Variants in MYH9 observed in about 807,000 individuals in gnomAD.
MYH9 encodes myosin-9.
Under a neutral mutation model 241.9 loss-of-function variants are expected in MYH9, and 29 were observed. That is an observed-to-expected ratio of 0.12 (90% CI 0.09 to 0.16). The LOEUF (loss-of-function observed/expected upper bound fraction) is 0.16. Among genes scored for constraint, MYH9 ranks in the 10% least tolerant of loss-of-function variants. MYH9 has a pLI of 1.00. For synonymous variants in MYH9, 1,047 were observed against 1,062.6 expected (o/e 0.99, Z 0.29); for missense variants, 1,803 against 2,595.5 (o/e 0.69, Z 6.63).
At chr22:36,309,148 G>C (rs1447438853) in intron 15 of MYH9, 134 bp downstream of exon 15, 3 of 802,404 alleles carry the variant, frequency 3.7e-6, no homozygotes, top group Non-Finnish European at 6.4e-6. Context: ...GGGAGCTACA[G>C]AGGGCAGAGA....
At chr22:36,377,351 C>G (rs1285268020) in intron 1 of MYH9, among the ~76,000 whole-genome samples, 1 of 152,036 alleles carries the variant, frequency 6.6e-6, no homozygotes, top group Non-Finnish European at 1.5e-5. Context: ...ACACAGGAAA[C>G]GTAGTGGCTT....
In MYH9 at chr22:36,292,079, C is replaced by A. The variant is rs796238093; in HGVS notation, c.4251G>T (p.Arg1417=). ...GCAGGTCGTCCAGCTCCTGCTGCAG[C>A]CGCGTCTTGGTCTTCTCCAGCTTGT... The part of the protein sequence containing the change: ...AYDKLEKTKT[R]LQQELDDLLV... The change falls in exon 31 of 41, where the codon CGG becomes CGT. Residue 1417 remains arginine, a synonymous_variant. Coordinates refer to ENST00000216181, the MANE Select transcript of MYH9 (RefSeq NM_002473.6). 5 of 1,614,184 alleles carry A rather than the reference C, an allele frequency of 3.1e-6. No individual in the cohort carries two copies. In the African/African-American group the frequency reaches 6.7e-5, roughly 22 times the overall value.
At chr22:36,308,270 ATTT>A (rs59819767) in intron 15 of MYH9, among the ~76,000 whole-genome samples, 1 of 143,680 alleles carries the variant, frequency 7.0e-6, no homozygotes, top group South Asian at 2.2e-4. Context: ...CTGTTTTAAG[ATTT>A]TTTTTTTTTT....
In MYH9 at chr22:36,284,122, G is replaced by A. The variant is rs745743682; in HGVS notation, c.5736C>T (p.Arg1912=). ...GCTTGTTCTTTAGGGAGCTGACTTC[G>A]CGGTTCATGGCATCGGCCGTCTCAG... is the stretch of plus-strand genomic sequence containing the variant. The part of the protein sequence containing the change: ...DATETADAMN[R]EVSSLKNKLR... The change falls in exon 40 of 41, where the codon CGC becomes CGT. Residue 1912 remains arginine, a synonymous_variant. Coordinates refer to ENST00000216181, the MANE Select transcript of MYH9 (RefSeq NM_002473.6). 13 of 1,614,182 alleles carry A rather than the reference G, an allele frequency of 8.1e-6. No individual in the cohort carries two copies. Among genetic ancestry groups the A allele is most frequent in the East Asian group, 4.5e-5 (2 of 44,880 alleles).
In MYH9 at chr22:36,300,019, A is replaced by G; in HGVS notation, c.2976+108T>C. On this transcript the variant is annotated intron_variant, in intron 23 of 40. Transcript: ENST00000216181. The surrounding 1 kb of genome is among the most constrained non-coding windows in gnomAD (Gnocchi z 5.0). ...GCAGAAGCCCTCATGCTGCAGGCAG[A>G]AGAGACAGGAAGCAGCAGCAGCGGG... The G allele has an allele frequency of 6.8e-7, 1 of 1,480,644 alleles. No homozygotes were observed. Among genetic ancestry groups the G allele is most frequent in the Non-Finnish European group, 9.3e-7 (1 of 1,073,464 alleles). The allele number at this position is 1,480,644 out of a possible 1,614,324, so 91.7% of individuals were successfully genotyped here. A position where few individuals can be genotyped will look rare whatever the true frequency, so the allele number is the denominator to read the frequency against.
At chr22:36,301,691 C>T (rs371659262) in intron 20 of MYH9, 26 bp from the exon 21 acceptor site, 279 of 1,610,950 alleles carry the variant, frequency 1.7e-4, no homozygotes, top group Non-Finnish European at 2.3e-4. Context: ...GAGGTAGAGA[C>T]ATGCTCGGCT....
At position 36,282,465 on chromosome 22, in the gene MYH9, G is replaced by A. The variant is rs2016506947; in HGVS notation, c.*203C>T. 14 of 707,056 alleles carry A rather than the reference G, an allele frequency of 2.0e-5. No individual in the cohort carries two copies. Among genetic ancestry groups the A allele is most frequent in the Non-Finnish European group, 3.4e-5 (13 of 387,216 alleles). 43.8% of individuals were successfully genotyped at this position (707,056 alleles called of 1,614,324 possible). A position where few individuals can be genotyped will look rare whatever the true frequency, so the allele number is the denominator to read the frequency against. On this transcript the variant is annotated 3_prime_UTR_variant, in exon 41 of 41. Transcript: ENST00000216181. ...GGTATCAGATTCTGAGCAGGGGAGGGAGCTGGAAGGGGATGCAGCAGAGGA... is the reference window on the plus strand; with the variant it reads ...GGTATCAGATTCTGAGCAGGGGAGGAAGCTGGAAGGGGATGCAGCAGAGGA...
chr22:36,368,719 G>A (rs1468884000), intron 1 of MYH9, among the ~76,000 whole-genome samples: 3 of 151,892 alleles, frequency 2.0e-5, no homozygotes, highest in East Asian at 3.9e-4. Context: ...TGTCTATATC[G>A]CCCTAAACAG....
At chr22:36,309,057 C>T (rs978896391) in intron 15 of MYH9, among the ~76,000 whole-genome samples, 2 of 152,198 alleles carry the variant, frequency 1.3e-5, no homozygotes, top group Non-Finnish European at 2.9e-5. Context: ...ACACGGAAAG[C>T]GCTCCGCCCA....
chr22:36,382,335 C>T lies in MYH9; in HGVS notation c.-20+5472G>A, dbSNP rs536678431. On this transcript the variant is annotated intron_variant, in intron 1 of 40. Coordinates refer to ENST00000216181, the MANE Select transcript of MYH9 (RefSeq NM_002473.6). ...ATTAAAAATGCAAAAATTAGCTGGG[C>T]GTGGTGGCAGGCGCCTGTAATCCCA... is the stretch of plus-strand genomic sequence containing the variant. Among the ~76,000 whole-genome samples the T allele has an allele frequency of 3.3e-4, 49 of 149,730 alleles. No individual in the cohort carries two copies. The South Asian group carries it at 9.3e-3, about 29-fold the overall frequency.
intron 1 of MYH9, among the ~76,000 whole-genome samples, chr22:36,374,282 C>G (rs1432529463): frequency 6.6e-6 from 1 of 152,102 alleles, no homozygotes; most frequent in Non-Finnish European, 1.5e-5. Flanking sequence ...CTTTGGGAGG[C>G]CAAGGTGGGC....
chr22:36,294,747 A>C lies in MYH9; in HGVS notation c.3630+185T>G, dbSNP rs555598425. The stretch of plus-strand genomic sequence containing the variant: ...CAAATAATCACGAGACAGACATACC[A>C]TAATCCTCCCTTATGAACAGGGAAA... On this transcript the variant is annotated intron_variant, in intron 27 of 40. Coordinates refer to ENST00000216181, the MANE Select transcript of MYH9 (RefSeq NM_002473.6). Among the ~76,000 whole-genome samples, 11 of 152,360 alleles carry C rather than the reference A, an allele frequency of 7.2e-5. No homozygotes were observed. The South Asian group carries it at 2.3e-3, about 32-fold the overall frequency.
chr22:36,284,618 G>T, intron 38 of MYH9, 107 bp from the exon 39 acceptor site: 1 of 1,061,774 alleles, frequency 9.4e-7, no homozygotes, highest in Non-Finnish European at 1.4e-6. Context: ...GGCATCTAGG[G>T]ATCACGTAGG....
chr22:36,320,155 C>T lies in MYH9; in HGVS notation c.1012+65G>A. On this transcript the variant is annotated intron_variant, in intron 9 of 40. Transcript: ENST00000216181. The surrounding 1 kb of genome is among the most constrained non-coding windows in gnomAD (Gnocchi z 4.8). ...CCAGGCCCATCGGCTACCCTGATGCCCCGAGGCCGTGGGTACCAGCCTTCC... is the reference window on the plus strand; with the variant it reads ...CCAGGCCCATCGGCTACCCTGATGCTCCGAGGCCGTGGGTACCAGCCTTCC... 6.4e-7 allele frequency: 1 copy of T among 1,554,558 alleles called. No individual in the cohort carries two copies. The highest frequency in any genetic ancestry group is 1.1e-5 in the South Asian group (1 of 89,924).
Position 36,305,505 on chromosome 22 carries a change from A to C in MYH9, c.2160-403T>G, listed in dbSNP as rs1239512104. On this transcript the variant is annotated intron_variant, in intron 17 of 40. Transcript: ENST00000216181. The surrounding 1 kb of genome is among the most constrained non-coding windows in gnomAD (Gnocchi z 4.7). ...AATAAAGGGCTGCGTCCCGACAGCA[A>C]CTGACACTCAGCACAGTCATTAGAG... is the stretch of plus-strand genomic sequence containing the variant. Among the ~76,000 whole-genome samples, 1 of 152,220 alleles carries C rather than the reference A, an allele frequency of 6.6e-6. No individual in the cohort carries two copies. Among genetic ancestry groups the C allele is most frequent in the Non-Finnish European group, 1.5e-5 (1 of 68,040 alleles).
At chr22:36,371,511 A>AAT (rs2018089521) in intron 1 of MYH9, among the ~76,000 whole-genome samples, 1 of 152,164 alleles carries the variant, frequency 6.6e-6, no homozygotes, top group Non-Finnish European at 1.5e-5. Flanking sequence ...GTACTTCATC[A>AAT]TAGCAGCCTG....
rs369423574 is a variant in MYH9 at position 36,288,212 on chromosome 22, G to A, written c.4932+40C>T. On this transcript the variant is annotated intron_variant, in intron 34 of 40. Transcript: ENST00000216181. The surrounding 1 kb of genome is among the most constrained non-coding windows in gnomAD (Gnocchi z 4.8). ...ACCTTCATATGTAGTTGGCTCAGTC[G>A]GGTGCCGCCCACCCTCACCTGGGCC... 6.2e-6 allele frequency: 10 copies of A among 1,610,908 alleles called. No homozygotes were observed. Among genetic ancestry groups the A allele is most frequent in the Middle Eastern group, 1.7e-4 (1 of 5,910 alleles).
At chr22:36,301,137 CG>C in intron 21 of MYH9, 80 bp from the exon 22 acceptor site, 1 of 1,391,752 alleles carries the variant, frequency 7.2e-7, no homozygotes. Flanking sequence ...CGCCATGGCT[CG>C]GGATCCCAGA....
rs1268363545 is a variant in MYH9 at position 36,349,189 on chromosome 22, G to C, written c.48C>G (p.Phe16Leu). The change falls in exon 2 of 41, where the codon TTC becomes TTG. Residue 16 changes from phenylalanine (F) to leucine (L), a missense_variant. By Grantham distance (22) the Phe-to-Leu change is conservative. This residue lies in a region of MYH9 where 75 missense variants were observed against 79.1 expected (regional missense o/e 0.95). Transcript: ENST00000216181. ...ADKYLYVDKNFINNPLAQADW... is the reference protein window; with the variant it reads ...ADKYLYVDKNLINNPLAQADW... The stretch of plus-strand genomic sequence containing the variant: ...CGGCCTGGGCCAGCGGATTGTTGAT[G>C]AAGTTTTTATCCACATAGAGATACT... 1 of 1,614,234 alleles carries C rather than the reference G, an allele frequency of 6.2e-7. No homozygotes were observed. Among genetic ancestry groups the C allele is most frequent in the East Asian group, 2.2e-5 (1 of 44,886 alleles).
Sources: allele counts gnomAD v4.1 joint callset (sites outside exome capture counted in the v4.1 genomes callset), GRCh38; gene constraint gnomAD v4.1.1; regional missense constraint gnomAD v4.1.1; non-coding constraint Gnocchi (gnomAD v3.1); transcripts MANE v1.5; gene names NCBI Gene and HGNC (gene_info 2026-07-23, HGNC 2026-07-21).